Variants in TNFSF4 observed in about 807,000 individuals in gnomAD.
TNFSF4 encodes TNF superfamily member 4.
TNFSF4 carries 4 observed loss-of-function variants against 7.3 expected under a neutral mutation model. The observed-to-expected ratio is 0.55, with a 90% CI of 0.27 to 1.25. TNFSF4 has a LOEUF of 1.25. TNFSF4 is among the 50% of genes most tolerant of loss of function. The probability of loss-of-function intolerance (pLI) is 0.12; values close to 1 mark genes in which losing one functional copy is unlikely to be tolerated. For missense variants in TNFSF4, 181 were observed against 208.8 expected (o/e 0.87, Z 0.82); for synonymous variants, 76 against 83.7 (o/e 0.91, Z 0.50).
At chr1:173,406,205 C>T in the TNFSF4 span, among the ~76,000 whole-genome samples, 1 of 152,112 alleles carries the variant, frequency 6.6e-6, no homozygotes, top group Non-Finnish European at 1.5e-5. Flanking sequence ...ATAGTAGGCA[C>T]TCAATAAATA....
At chr1:173,242,446 T>G in the TNFSF4 span, among the ~76,000 whole-genome samples, 1 of 152,184 alleles carries the variant, frequency 6.6e-6, no homozygotes, top group Non-Finnish European at 1.5e-5. Context: ...TGGCTACTAG[T>G]AGGTTCATTT....
rs550526252 is a variant in TNFSF4, at chr1:173,185,924, T to C, written c.*592A>G. The C allele has an allele frequency of 6.6e-6, 1 of 152,234 alleles. No individual in the cohort carries two copies. The highest frequency in any genetic ancestry group is 1.5e-5 in the Non-Finnish European group (1 of 68,078). The allele number at this position is 152,234 out of a possible 1,614,324, so 9.4% of individuals were successfully genotyped here. On this transcript the variant is annotated 3_prime_UTR_variant, in exon 3 of 3. Coordinates refer to ENST00000281834, the MANE Select transcript of TNFSF4 (RefSeq NM_003326.5). ...TATTTCTTAGACGGCTCTCTTCAAG[T>C]CCTGATTTTTCACAAGCTGATTCTT...
At chr1:173,234,514 T>C in the TNFSF4 span, among the ~76,000 whole-genome samples, 1 of 152,228 alleles carries the variant, frequency 6.6e-6, no homozygotes, top group Non-Finnish European at 1.5e-5. Context: ...ATTGCAGCAC[T>C]ATTCACAATA....
the TNFSF4 span, among the ~76,000 whole-genome samples, chr1:173,369,895 A>C: frequency 6.6e-6 from 1 of 152,098 alleles, no homozygotes; most frequent in Non-Finnish European, 1.5e-5. Flanking sequence ...TACATCCCAC[A>C]GGAGGACCTC....
chr1:173,396,300 A>T, the TNFSF4 span, among the ~76,000 whole-genome samples: 3 of 152,230 alleles, frequency 2.0e-5, no homozygotes, highest in East Asian at 5.8e-4. Context: ...ACTTGAGCCC[A>T]GGAATGCGAG....
the TNFSF4 span, among the ~76,000 whole-genome samples, chr1:173,253,667 A>G: frequency 2.0e-5 from 3 of 152,164 alleles, no homozygotes; most frequent in African/African-American, 7.2e-5. Flanking sequence ...TTTCTGCCCT[A>G]CTCTGGTATG....
chr1:173,329,792 T>C, the TNFSF4 span, among the ~76,000 whole-genome samples: 125 of 152,256 alleles, frequency 8.2e-4, no homozygotes, highest in African/African-American at 3.0e-3. Context: ...AAATATGGTT[T>C]TTTTTAACCA....
the TNFSF4 span, among the ~76,000 whole-genome samples, chr1:173,173,649 C>T: frequency 6.6e-6 from 1 of 152,348 alleles, no homozygotes; most frequent in East Asian, 1.9e-4. Context: ...GCAGGCCCAA[C>T]ACCATATGTA....
chr1:173,366,679 T>A, the TNFSF4 span, among the ~76,000 whole-genome samples: 1 of 152,136 alleles, frequency 6.6e-6, no homozygotes, highest in Non-Finnish European at 1.5e-5. Context: ...GTAATGGATA[T>A]CCTATTTACC....
chr1:173,273,921 T>C, the TNFSF4 span, among the ~76,000 whole-genome samples: 2 of 152,122 alleles, frequency 1.3e-5, no homozygotes, highest in South Asian at 2.1e-4. Context: ...ATAAGAGATA[T>C]GCATTTTGTT....
intron 1 of TNFSF4, among the ~76,000 whole-genome samples, chr1:173,204,924 A>ACAAACAC (rs1557886815): frequency 6.8e-5 from 9 of 131,720 alleles, no homozygotes; most frequent in African/African-American, 1.8e-4. Flanking sequence ...CACACACACA[A>ACAAACAC]ACACACACAC....
At chr1:173,245,429 T>C in the TNFSF4 span, among the ~76,000 whole-genome samples, 205 of 152,328 alleles carry the variant, frequency 1.3e-3, 1 homozygote, top group African/African-American at 4.5e-3. Flanking sequence ...TGACAAGCTC[T>C]TTATTTGCTT....
chr1:173,290,898 TA>T, the TNFSF4 span, among the ~76,000 whole-genome samples: 1 of 151,782 alleles, frequency 6.6e-6, no homozygotes, highest in African/African-American at 2.4e-5. Flanking sequence ...CATAGTGCAA[TA>T]AAAAAAGAAA....
the TNFSF4 span, among the ~76,000 whole-genome samples, chr1:173,425,399 A>T: frequency 3.3e-5 from 5 of 152,194 alleles, no homozygotes; most frequent in Non-Finnish European, 7.3e-5. Context: ...TGAGGCCTGA[A>T]ATAAGAGAAT....
At chr1:173,345,369 G>A in the TNFSF4 span, among the ~76,000 whole-genome samples, 7 of 152,144 alleles carry the variant, frequency 4.6e-5, no homozygotes, top group Non-Finnish European at 8.8e-5. Flanking sequence ...AAAGAAAACC[G>A]GGAAGTTAAT....
At chr1:173,307,370 T>C in the TNFSF4 span, among the ~76,000 whole-genome samples, 1 of 151,828 alleles carries the variant, frequency 6.6e-6, no homozygotes, top group Non-Finnish European at 1.5e-5. Flanking sequence ...TCAAACACAA[T>C]GTACACAACA....
chr1:173,371,153 A>T, the TNFSF4 span, among the ~76,000 whole-genome samples: 1 of 152,146 alleles, frequency 6.6e-6, no homozygotes, highest in African/African-American at 2.4e-5. Context: ...TTCCTCCTGG[A>T]CACTGGTGTG....
At chr1:173,288,925 G>A in the TNFSF4 span, among the ~76,000 whole-genome samples, 11 of 152,068 alleles carry the variant, frequency 7.2e-5, no homozygotes, top group African/African-American at 2.7e-4. Flanking sequence ...TACACAGTAT[G>A]TAAATGGAAT....
the TNFSF4 span, among the ~76,000 whole-genome samples, chr1:173,367,807 G>A: frequency 6.6e-6 from 1 of 151,144 alleles, no homozygotes; most frequent in Non-Finnish European, 1.5e-5. Context: ...AAACCCTAAT[G>A]TGGCCTATGA....
Sources: allele counts gnomAD v4.1 joint callset (sites outside exome capture counted in the v4.1 genomes callset), GRCh38; gene constraint gnomAD v4.1.1; transcripts MANE v1.5; gene names NCBI Gene and HGNC (gene_info 2026-07-23, HGNC 2026-07-21).